Variants in HAS2 observed in about 807,000 individuals in gnomAD.
The protein encoded by HAS2 is hyaluronan synthase 2.
In HAS2, 16 loss-of-function variants were observed where a neutral mutation model predicts 51.6. The observed-to-expected ratio is 0.31, with a 90% CI of 0.21 to 0.47. The LOEUF (loss-of-function observed/expected upper bound fraction) is 0.47. Ranked by LOEUF, HAS2 falls within the 20% of genes least tolerant of loss-of-function variation. The pLI, the probability that HAS2 is intolerant of heterozygous loss-of-function variation, is 1.00. For missense variants in HAS2, 361 were observed against 662.6 expected (o/e 0.54, Z 5.00); for synonymous variants, 228 against 235.5 (o/e 0.97, Z 0.29).
intron 2 of HAS2, among the ~76,000 whole-genome samples, chr8:121,622,548 T>C (rs1272528410): frequency 1.3e-5 from 2 of 152,042 alleles, no homozygotes; most frequent in African/African-American, 4.8e-5. Context: ...TCACAGTAAA[T>C]GCTCAATAAA....
chr8:121,619,829 G>A (rs765425419), intron 2 of HAS2, among the ~76,000 whole-genome samples: 1 of 152,128 alleles, frequency 6.6e-6, no homozygotes, highest in Non-Finnish European at 1.5e-5. Flanking sequence ...GTTGACTCAA[G>A]CTGGAAAAGG....
At chr8:121,617,312 C>T (rs1812716991) in intron 2 of HAS2, 106 bp from the exon 3 acceptor site, 1 of 640,596 alleles carries the variant, frequency 1.6e-6, no homozygotes, top group South Asian at 2.0e-5. Context: ...CTTACTGTCA[C>T]AAGGCCTCAG....
At chr8:121,627,609 T>A (rs562376066) in intron 2 of HAS2, among the ~76,000 whole-genome samples, 1 of 152,332 alleles carries the variant, frequency 6.6e-6, no homozygotes, top group African/African-American at 2.4e-5. Context: ...CATTAATTTA[T>A]TCTATCCAGA....
At chr8:121,625,675 ATTTTTTTTTTTTT>A (rs934743239) in intron 2 of HAS2, among the ~76,000 whole-genome samples, 1 of 108,104 alleles carries the variant, frequency 9.3e-6, no homozygotes, top group Non-Finnish European at 1.8e-5. Flanking sequence ...AGTCCAGCTA[ATTTTTTTTTTTTT>A]TTTTTTTTTT....
chr8:121,616,983 C>T lies in HAS2; in HGVS notation c.729+122G>A, dbSNP rs189825244. On this transcript the variant is annotated intron_variant, in intron 3 of 3. Coordinates refer to ENST00000303924, the MANE Select transcript of HAS2 (RefSeq NM_005328.3). ...GGCACATTTTAATGTGTCTCAAGCA[C>T]CAACAACAACACCTGGCACAGAGTT... 6.2e-6 allele frequency: 4 copies of T among 642,818 alleles called. No homozygotes were observed. In the East Asian group the frequency reaches 1.1e-4, roughly 17 times the overall value. 39.8% of individuals were successfully genotyped at this position (642,818 alleles called of 1,614,324 possible).
chr8:121,631,871 A>C (rs1227923942), intron 1 of HAS2, among the ~76,000 whole-genome samples: 1 of 152,244 alleles, frequency 6.6e-6, no homozygotes, highest in East Asian at 1.9e-4. Context: ...GCTTGTGTTT[A>C]AAATCACCAT....
intron 2 of HAS2, 53 bp from the exon 3 acceptor site, chr8:121,617,259 C>T (rs564061913): frequency 5.5e-6 from 6 of 1,082,104 alleles, no homozygotes; most frequent in African/African-American, 3.1e-5. Flanking sequence ...ACTATAAATA[C>T]ATTCCCTGTA....
intron 2 of HAS2, among the ~76,000 whole-genome samples, chr8:121,626,623 G>A (rs1238483722): frequency 1.3e-5 from 2 of 152,146 alleles, no homozygotes; most frequent in Non-Finnish European, 2.9e-5. Context: ...GTCTTTCTGT[G>A]GTTTCTGCTT....
chr8:121,619,637 G>A (rs985233532), intron 2 of HAS2, among the ~76,000 whole-genome samples: 18 of 152,164 alleles, frequency 1.2e-4, no homozygotes, highest in Middle Eastern at 3.4e-3. Flanking sequence ...TCAAGCCTCC[G>A]GAACCTAGAA....
Position 121,613,673 on chromosome 8 carries a change from A to C in HAS2, c.*436T>G. The C allele has an allele frequency of 6.1e-6, 1 of 164,028 alleles. No homozygotes were observed. The highest frequency in any genetic ancestry group is 1.3e-5 in the Non-Finnish European group (1 of 74,218). The allele number at this position is 164,028 out of a possible 1,614,324, so 10.2% of individuals were successfully genotyped here. On this transcript the variant is annotated 3_prime_UTR_variant, in exon 4 of 4. Transcript: ENST00000303924. Reference sequence around the variant, plus strand: ...AACTTCCTTTGGCATTTCATTTGGTAAAGTTAAAAAGAAAATCCTTCCTAA... The same window carrying C: ...AACTTCCTTTGGCATTTCATTTGGTCAAGTTAAAAAGAAAATCCTTCCTAA...
At chr8:121,637,200 T>G (rs1350102844) in intron 1 of HAS2, among the ~76,000 whole-genome samples, 1 of 152,136 alleles carries the variant, frequency 6.6e-6, no homozygotes, top group Non-Finnish European at 1.5e-5. Flanking sequence ...TTTAACTCAT[T>G]TTTTAATTAT....
At chr8:121,627,531 T>C (rs1387124600) in intron 2 of HAS2, among the ~76,000 whole-genome samples, 4 of 152,272 alleles carry the variant, frequency 2.6e-5, no homozygotes, top group East Asian at 1.9e-4. Context: ...AACAACAATA[T>C]TAATATAAAA....
At chr8:121,615,579 T>A (rs1271538256) in intron 3 of HAS2, among the ~76,000 whole-genome samples, 2 of 152,020 alleles carry the variant, frequency 1.3e-5, no homozygotes, top group African/African-American at 4.8e-5. Context: ...TTCCTCGGCC[T>A]CCCAAAGTGC....
At chr8:121,632,928 ACT>A (rs1161996817) in intron 1 of HAS2, among the ~76,000 whole-genome samples, 1 of 152,072 alleles carries the variant, frequency 6.6e-6, no homozygotes, top group Non-Finnish European at 1.5e-5. Context: ...AGAAACCAAG[ACT>A]CTGGGTATTT....
intron 2 of HAS2, among the ~76,000 whole-genome samples, chr8:121,617,937 A>G (rs998751040): frequency 3.9e-5 from 6 of 152,112 alleles, no homozygotes; most frequent in Admixed American, 2.6e-4. Context: ...AAAAGTGGAT[A>G]TAAATCACTT....
chr8:121,622,603 T>C (rs558329726), intron 2 of HAS2, among the ~76,000 whole-genome samples: 1 of 151,846 alleles, frequency 6.6e-6, no homozygotes, highest in South Asian at 2.1e-4. Flanking sequence ...ACATGCAAGA[T>C]TTGGGGGAAA....
chr8:121,636,268 T>C (rs759269840), intron 1 of HAS2, among the ~76,000 whole-genome samples: 1 of 152,220 alleles, frequency 6.6e-6, no homozygotes, highest in Non-Finnish European at 1.5e-5. Flanking sequence ...CCTCTGCTAC[T>C]GTCCCTACGT....
Position 121,614,877 on chromosome 8 carries a change from T to C in HAS2, c.891A>G (p.Glu297=), listed in dbSNP as rs750900240. ...YRNSLLHEFV[E]DWYNQEFMGN... Reference sequence around the variant, plus strand: ...CCATAAATTCTTGATTGTACCAATCTTCCACAAACTCATGCAACAAGGAGT... The same window carrying C: ...CCATAAATTCTTGATTGTACCAATCCTCCACAAACTCATGCAACAAGGAGT... The change falls in exon 4 of 4, where the codon GAA becomes GAG. Residue 297 remains glutamate (E), a synonymous_variant. Transcript: ENST00000303924. The surrounding 1 kb of genome is among the most constrained non-coding windows in gnomAD (Gnocchi z 7.2). 7 of 1,614,214 alleles carry C rather than the reference T, an allele frequency of 4.3e-6. 1 individual carries two copies. In the Admixed American group the frequency reaches 1.2e-4, roughly 27 times the overall value.
At chr8:121,623,258 G>A (rs73710803) in intron 2 of HAS2, among the ~76,000 whole-genome samples, 2,827 of 152,196 alleles carry the variant, frequency 0.019, 97 homozygotes, top group African/African-American at 0.064. Context: ...GAGTCATTTG[G>A]TTATTCTCTT....
Sources: allele counts gnomAD v4.1 joint callset (sites outside exome capture counted in the v4.1 genomes callset), GRCh38; gene constraint gnomAD v4.1.1; non-coding constraint Gnocchi (gnomAD v3.1); transcripts MANE v1.5; gene names NCBI Gene and HGNC (gene_info 2026-07-23, HGNC 2026-07-21).